NPSR1: variants seen among roughly 807,000 people sequenced by gnomAD.
The protein encoded by NPSR1 is neuropeptide S receptor 1.
Under a neutral mutation model 46.9 loss-of-function variants are expected in NPSR1, and 48 were observed. That is an observed-to-expected ratio of 1.02 (90% CI 0.81 to 1.30). The LOEUF (loss-of-function observed/expected upper bound fraction) is 1.30, where lower values mean the gene tolerates loss of function less well. Among genes scored for constraint, NPSR1 ranks in the 50% most tolerant of loss-of-function variants. The pLI is 0.00. For missense variants in NPSR1, 450 were observed against 449.5 expected, an observed-to-expected ratio of 1.00 and a Z score of -0.01; for synonymous variants, 176 against 168.1, an observed-to-expected ratio of 1.05 and a Z score of -0.36.
intron 1 of NPSR1, among the ~76,000 whole-genome samples, chr7:34,662,545 C>A (rs551814623): frequency 6.6e-6 from 1 of 152,114 alleles, no homozygotes; most frequent in Non-Finnish European, 1.5e-5. Context: ...CAATTTGTAA[C>A]GAGAGGTCTT....
chr7:34,871,581 G>C (rs1791453181), intron 8 of NPSR1: 1 of 151,728 alleles, frequency 6.6e-6, no homozygotes, highest in Non-Finnish European at 1.5e-5. Context: ...TCCACCATCA[G>C]CCTGTAAAAT....
At chr7:34,851,954 T>A (rs551177176), downstream of NPSR1, among the ~76,000 whole-genome samples, 3 of 152,310 alleles carry the variant, frequency 2.0e-5, no homozygotes, top group African/African-American at 7.2e-5. Context: ...GGAATTGTCA[T>A]TTCCATGTAT....
At chr7:34,820,465 GGAGATAGGA>G (rs1215082850) in intron 4 of NPSR1, among the ~76,000 whole-genome samples, 2 of 152,188 alleles carry the variant, frequency 1.3e-5, no homozygotes, top group African/African-American at 4.8e-5. Context: ...ATGAGGCAGG[GGAGATAGGA>G]GAGACATTTC....
intron 4 of NPSR1, among the ~76,000 whole-genome samples, chr7:34,823,983 T>C (rs1221641169): frequency 1.3e-5 from 2 of 152,078 alleles, no homozygotes; most frequent in African/African-American, 4.8e-5. Flanking sequence ...GAAGAAAGGA[T>C]CTTACTACCT....
At chr7:34,822,669 G>T (rs1393368863) in intron 4 of NPSR1, among the ~76,000 whole-genome samples, 1 of 152,120 alleles carries the variant, frequency 6.6e-6, no homozygotes, top group Non-Finnish European at 1.5e-5. Context: ...GGCAAAAAAT[G>T]AATTAGTATA....
chr7:34,696,097 A>T (rs1050794714), intron 2 of NPSR1, among the ~76,000 whole-genome samples: 1 of 151,620 alleles, frequency 6.6e-6, no homozygotes, highest in African/African-American at 2.4e-5. Context: ...AAAAAAAAAA[A>T]ACTGCGGTAT....
chr7:34,769,832 C>T (rs149657594), intron 2 of NPSR1, among the ~76,000 whole-genome samples: 1 of 152,176 alleles, frequency 6.6e-6, no homozygotes, highest in Non-Finnish European at 1.5e-5. Context: ...TTCCTAAGAT[C>T]TTTCACAGGA....
chr7:34,784,547 G>T (rs1787373527), intron 3 of NPSR1, among the ~76,000 whole-genome samples: 1 of 152,104 alleles, frequency 6.6e-6, no homozygotes, highest in African/African-American at 2.4e-5. Context: ...CTTGATCATG[G>T]TGGATAAGCT....
intron 3 of NPSR1, among the ~76,000 whole-genome samples, chr7:34,798,822 G>C (rs990606854): frequency 3.3e-5 from 5 of 152,104 alleles, no homozygotes; most frequent in African/African-American, 9.7e-5. Context: ...CAGAAGGATA[G>C]CTGAAAATTT....
chr7:34,726,370 T>C (rs1454938334), intron 2 of NPSR1, among the ~76,000 whole-genome samples: 1 of 152,170 alleles, frequency 6.6e-6, no homozygotes, highest in African/African-American at 2.4e-5. Context: ...CAAATGCTGG[T>C]GGGGCTGTGG....
chr7:34,792,719 A>ATATATATGTATATATATATT (rs1562733434), intron 3 of NPSR1, among the ~76,000 whole-genome samples: 3 of 123,386 alleles, frequency 2.4e-5, no homozygotes, highest in Non-Finnish European at 3.3e-5. Flanking sequence ...ATATATTTAT[A>ATATATATGTATATATATATT]TATATATATA....
At chr7:34,795,166 C>T (rs1019833904) in intron 3 of NPSR1, among the ~76,000 whole-genome samples, 2 of 152,124 alleles carry the variant, frequency 1.3e-5, no homozygotes, top group Admixed American at 6.6e-5. Context: ...AGAAAAGTCA[C>T]AAGATTATAA....
At chr7:34,679,494 TATC>T (rs34808375) in intron 1 of NPSR1, among the ~76,000 whole-genome samples, 33,429 of 152,030 alleles carry the variant, frequency 0.22, 3,894 homozygotes, top group South Asian at 0.33. Flanking sequence ...AGCCCTCACT[TATC>T]ATCCGAGTGT....
At chr7:34,722,219 C>T (rs1783895701) in intron 2 of NPSR1, among the ~76,000 whole-genome samples, 1 of 151,864 alleles carries the variant, frequency 6.6e-6, no homozygotes, top group Admixed American at 6.6e-5. Context: ...AAGAATAAAA[C>T]AATGATGGAG....
intron 3 of NPSR1, chr7:34,779,448 G>A (rs1251987989): frequency 1.5e-5 from 6 of 406,070 alleles, no homozygotes; most frequent in African/African-American, 1.2e-4. Context: ...GCTTTATCCT[G>A]CTAGATTCCA....
intron 8 of NPSR1, among the ~76,000 whole-genome samples, chr7:34,868,203 C>T (rs1433315261): frequency 6.6e-6 from 1 of 151,586 alleles, no homozygotes; most frequent in Non-Finnish European, 1.5e-5. Context: ...ACCCTTTCAG[C>T]GATAGCCAAA....
chr7:34,789,243 A>G (rs1787607273), intron 3 of NPSR1, among the ~76,000 whole-genome samples: 1 of 152,000 alleles, frequency 6.6e-6, no homozygotes, highest in African/African-American at 2.4e-5. Context: ...TAACTAGAAG[A>G]AGAAGAAGAG....
intron 2 of NPSR1, among the ~76,000 whole-genome samples, chr7:34,756,658 CT>C (rs1192948438): frequency 6.6e-6 from 1 of 152,096 alleles, no homozygotes. Context: ...GCATATATTT[CT>C]TTTTTAAAAA....
intron 3 of NPSR1, among the ~76,000 whole-genome samples, chr7:34,799,662 C>T (rs185282886): frequency 8.2e-5 from 12 of 146,742 alleles, no homozygotes; most frequent in African/African-American, 2.5e-4. Context: ...CATCAACTAA[C>T]GAGCAAAATA....
Sources: allele counts gnomAD v4.1 joint callset (sites outside exome capture counted in the v4.1 genomes callset), GRCh38; gene constraint gnomAD v4.1.1; transcripts MANE v1.5; gene names NCBI Gene and HGNC (gene_info 2026-07-23, HGNC 2026-07-21).